STPG2: variants seen among roughly 807,000 people sequenced by gnomAD.
STPG2 encodes the protein sperm tail PG-rich repeat containing 2.
Under a neutral mutation model 54.2 loss-of-function variants are expected in STPG2, and 56 were observed. The observed-to-expected ratio is 1.03, with a 90% confidence interval of 0.83 to 1.29. The LOEUF is 1.29. Ranked by LOEUF, STPG2 falls within the 50% of genes most tolerant of loss-of-function variation. The pLI, the probability that STPG2 is intolerant of heterozygous loss-of-function variation, is 0.00. For synonymous variants in STPG2, 200 were observed against 181.8 expected, an observed-to-expected ratio of 1.10 and a Z score of -0.81; for missense variants, 596 against 544.9, an observed-to-expected ratio of 1.09 and a Z score of -0.93.
chr4:97,583,490 C>T (rs537192070), intron 10 of STPG2, among the ~76,000 whole-genome samples: 37 of 152,040 alleles, frequency 2.4e-4, no homozygotes, highest in South Asian at 4.1e-4. Flanking sequence ...AGAGTTCCTG[C>T]TATTTTCACA....
intron 4 of STPG2, among the ~76,000 whole-genome samples, chr4:97,480,375 T>G (rs189489531): frequency 4.0e-5 from 6 of 151,698 alleles, no homozygotes; most frequent in African/African-American, 1.4e-4. Context: ...GTGATGAATT[T>G]TATCAGACGT....
At chr4:97,651,300 A>T (rs1722060385) in intron 10 of STPG2, among the ~76,000 whole-genome samples, 1 of 152,242 alleles carries the variant, frequency 6.6e-6, no homozygotes, top group Middle Eastern at 3.4e-3. Flanking sequence ...AAATCTAAAA[A>T]TATGAAGAAA....
intron 4 of STPG2, among the ~76,000 whole-genome samples, chr4:97,488,126 C>A (rs1730416432): frequency 6.6e-6 from 1 of 151,440 alleles, no homozygotes; most frequent in African/African-American, 2.4e-5. Flanking sequence ...CAAGAAATAA[C>A]TAAGTATGGG....
chr4:97,563,405 C>A (rs1457240821), intron 10 of STPG2, among the ~76,000 whole-genome samples: 15 of 152,054 alleles, frequency 9.9e-5, no homozygotes, highest in South Asian at 4.2e-4. Flanking sequence ...GGATTCATTA[C>A]TTTTTTGAAG....
chr4:97,905,314 A>C (rs1402699307), intron 8 of STPG2, among the ~76,000 whole-genome samples: 1 of 152,254 alleles, frequency 6.6e-6, no homozygotes, highest in Non-Finnish European at 1.5e-5. Flanking sequence ...ACATTCTTAA[A>C]GAAAAGAATT....
intron 5 of STPG2, among the ~76,000 whole-genome samples, chr4:98,087,776 G>A (rs984460561): frequency 1.3e-5 from 2 of 151,974 alleles, no homozygotes; most frequent in African/African-American, 4.8e-5. Context: ...TAGCCAGGAT[G>A]GTCTCAATCT....
intron 7 of STPG2, among the ~76,000 whole-genome samples, chr4:97,965,021 C>T (rs572238973): frequency 2.0e-5 from 3 of 152,130 alleles, no homozygotes; most frequent in South Asian, 2.1e-4. Flanking sequence ...GAGGGCAAGC[C>T]GAAGTAGGAC....
At chr4:98,056,480 G>A (rs1189124817) in intron 5 of STPG2, among the ~76,000 whole-genome samples, 1 of 152,178 alleles carries the variant, frequency 6.6e-6, no homozygotes. Context: ...CAACAAGCCA[G>A]AGAACAAAGT....
intron 10 of STPG2, among the ~76,000 whole-genome samples, chr4:97,566,500 G>A (rs1344152867): frequency 1.3e-5 from 2 of 152,160 alleles, no homozygotes; most frequent in East Asian, 3.9e-4. Flanking sequence ...ACCTCAGATG[G>A]AAATGCAGAA....
intron 5 of STPG2, among the ~76,000 whole-genome samples, chr4:98,017,041 C>T (rs1244395226): frequency 6.6e-6 from 1 of 152,160 alleles, no homozygotes; most frequent in Non-Finnish European, 1.5e-5. Flanking sequence ...GGCAGGTAGG[C>T]CTGTTGCCTG....
chr4:97,957,857 C>T (rs1733737443), intron 7 of STPG2, among the ~76,000 whole-genome samples: 1 of 152,158 alleles, frequency 6.6e-6, no homozygotes, highest in Non-Finnish European at 1.5e-5. Context: ...CCTTTTCAGA[C>T]AAACAAATGC....
intron 9 of STPG2, among the ~76,000 whole-genome samples, chr4:97,833,906 G>A (rs1232920949): frequency 6.6e-6 from 1 of 152,152 alleles, no homozygotes; most frequent in Non-Finnish European, 1.5e-5. Flanking sequence ...CTTTTACACT[G>A]TTGGGAGTGT....
At chr4:97,964,571 A>G (rs1734019614) in intron 7 of STPG2, among the ~76,000 whole-genome samples, 1 of 152,186 alleles carries the variant, frequency 6.6e-6, no homozygotes, top group Non-Finnish European at 1.5e-5. Flanking sequence ...TAAAAACCTG[A>G]AAAAACTAAT....
chr4:97,643,955 A>T (rs1393533806), intron 10 of STPG2, among the ~76,000 whole-genome samples: 2 of 151,868 alleles, frequency 1.3e-5, no homozygotes, highest in African/African-American at 4.8e-5. Flanking sequence ...AAAGAAGGAG[A>T]TGAATGTCTT....
At chr4:97,568,015 T>C (rs1249475290) in intron 10 of STPG2, among the ~76,000 whole-genome samples, 1 of 152,180 alleles carries the variant, frequency 6.6e-6, no homozygotes, top group Non-Finnish European at 1.5e-5. Context: ...TTTTGACTTT[T>C]AGAAGCACAG....
intron 5 of STPG2, among the ~76,000 whole-genome samples, chr4:98,100,560 G>A (rs1738994921): frequency 1.3e-5 from 2 of 151,238 alleles, no homozygotes; most frequent in South Asian, 4.2e-4. Context: ...TATTGTAAGG[G>A]TGCATCTGCT....
At chr4:98,017,033 C>T (rs1360252388) in intron 5 of STPG2, among the ~76,000 whole-genome samples, 2 of 152,146 alleles carry the variant, frequency 1.3e-5, no homozygotes, top group Non-Finnish European at 2.9e-5. Context: ...AGTCAGTGGG[C>T]AGGTAGGCCT....
chr4:98,143,019 C>T (rs1740341918), intron 1 of STPG2, 23 bp downstream of exon 1: 3 of 1,593,760 alleles, frequency 1.9e-6, no homozygotes, highest in African/African-American at 1.3e-5. Flanking sequence ...GTCACAGGAG[C>T]TCTGCCTCTT....
intron 10 of STPG2, among the ~76,000 whole-genome samples, chr4:97,708,332 T>G (rs917292621): frequency 6.6e-6 from 1 of 152,006 alleles, no homozygotes; most frequent in Non-Finnish European, 1.5e-5. Context: ...GATATTAAAG[T>G]ATTACCACAC....
Sources: allele counts gnomAD v4.1 joint callset (sites outside exome capture counted in the v4.1 genomes callset), GRCh38; gene constraint gnomAD v4.1.1; transcripts MANE v1.5; gene names NCBI Gene and HGNC (gene_info 2026-07-23, HGNC 2026-07-21).